The following EPAS1 variants were observed in gnomAD, a reference collection of about 807,000 sequenced individuals.
EPAS1 encodes endothelial PAS domain protein 1.
In EPAS1, 23 loss-of-function variants were observed where a neutral mutation model predicts 87.9. The observed-to-expected ratio is 0.26, with a 90% CI of 0.19 to 0.37. The LOEUF (loss-of-function observed/expected upper bound fraction) is 0.37. EPAS1 is among the 10% of genes least tolerant of loss of function. EPAS1 has a pLI of 1.00. For synonymous variants in EPAS1, 508 were observed against 444.3 expected (o/e 1.14, Z -1.80); for missense variants, 1,138 against 1,120.7 (o/e 1.02, Z -0.22).
intron 1 of EPAS1, among the ~76,000 whole-genome samples, chr2:46,344,296 G>A (rs374487821): frequency 6.6e-6 from 1 of 152,180 alleles, no homozygotes; most frequent in Non-Finnish European, 1.5e-5. Flanking sequence ...TTCGAGGAAG[G>A]GGCCAATGGC....
At chr2:46,316,066 C>G (rs114487250) in intron 1 of EPAS1, among the ~76,000 whole-genome samples, 149 of 152,300 alleles carry the variant, frequency 9.8e-4, no homozygotes, top group Middle Eastern at 3.4e-3. Context: ...ACATACTTTT[C>G]TCTATATCAT....
intron 4 of EPAS1, among the ~76,000 whole-genome samples, chr2:46,359,307 C>G (rs1055918413): frequency 7.1e-6 from 1 of 141,104 alleles, no homozygotes; most frequent in Non-Finnish European, 1.5e-5. Context: ...TGGGGAGAAT[C>G]CAGAGGTTAG....
At chr2:46,382,188 C>G (rs1280475155) in intron 14 of EPAS1, 99 bp downstream of exon 14, 8 of 1,204,768 alleles carry the variant, frequency 6.6e-6, no homozygotes, top group Non-Finnish European at 9.6e-6. Flanking sequence ...CAGGCCGTAC[C>G]TGCCTCTCTG....
At chr2:46,381,891 T>C (rs943270785) in intron 13 of EPAS1, 84 bp from the exon 14 acceptor site, 1 of 1,514,162 alleles carries the variant, frequency 6.6e-7, no homozygotes, top group Non-Finnish European at 9.0e-7. Flanking sequence ...GTGCCAGCCC[T>C]GTTCCAGGCC....
intron 3 of EPAS1, 110 bp from the exon 4 acceptor site, chr2:46,356,614 C>A: frequency 1.1e-6 from 1 of 889,986 alleles, no homozygotes; most frequent in African/African-American, 1.6e-5. Flanking sequence ...ATGAGAAAAC[C>A]CAATTCAGTC....
intron 1 of EPAS1, among the ~76,000 whole-genome samples, chr2:46,309,214 C>T (rs997256360): frequency 1.3e-5 from 2 of 152,200 alleles, no homozygotes; most frequent in African/African-American, 2.4e-5. Flanking sequence ...ATCCACCATG[C>T]GTAGAGCAGG....
rs1277888540 is a variant in EPAS1, at chr2:46,360,679, C to G, written c.496C>G (p.Arg166Gly). Residue 166 changes from arginine to glycine, a missense_variant, in exon 5 of 16, where the codon CGG (arginine) becomes GGG (glycine). Physicochemically the swap from Arg to Gly is moderately radical, Grantham distance 125. This residue lies in a region of EPAS1 where 351 missense variants were observed against 417.1 expected (regional missense o/e 0.84). Transcript: ENST00000263734. This position sits in a 1 kb window ranked among gnomAD's most constrained non-coding sequence, Gnocchi z 4.5. Reference sequence around the variant, plus strand: ...AAAAAGCAAAGACATGTCCACAGAGCGGGACTTCTTCATGAGGATGAAGTG... The same window carrying G: ...AAAAAGCAAAGACATGTCCACAGAGGGGGACTTCTTCATGAGGATGAAGTG... Reference protein sequence around the residue: ...GKKSKDMSTERDFFMRMKCTV... With the variant: ...GKKSKDMSTEGDFFMRMKCTV... 6.2e-7 allele frequency: 1 copy of G among 1,613,986 alleles called. No individual in the cohort carries two copies. Among genetic ancestry groups the G allele is most frequent in the Non-Finnish European group, 8.5e-7 (1 of 1,180,022 alleles).
chr2:46,320,194 G>C (rs1298576192), intron 1 of EPAS1, among the ~76,000 whole-genome samples: 2 of 152,190 alleles, frequency 1.3e-5, no homozygotes, highest in Non-Finnish European at 2.9e-5. Context: ...AAGTTAAAGA[G>C]AGAAACTAAT....
At chr2:46,383,370 A>C (rs1354610017) in intron 15 of EPAS1, among the ~76,000 whole-genome samples, 1 of 152,230 alleles carries the variant, frequency 6.6e-6, no homozygotes, top group African/African-American at 2.4e-5. Flanking sequence ...GGCCACCTTC[A>C]TCTTGACAGT....
intron 1 of EPAS1, among the ~76,000 whole-genome samples, chr2:46,307,947 T>C (rs1222118321): frequency 6.6e-6 from 1 of 152,172 alleles, no homozygotes; most frequent in African/African-American, 2.4e-5. Context: ...AGGGCCTCAG[T>C]AAAGACATGG....
intron 1 of EPAS1, among the ~76,000 whole-genome samples, chr2:46,328,098 G>A (rs1479060312): frequency 1.3e-5 from 2 of 152,156 alleles, no homozygotes; most frequent in Non-Finnish European, 2.9e-5. Flanking sequence ...TATGCAGATC[G>A]GGCTGTTAGT....
intron 9 of EPAS1, among the ~76,000 whole-genome samples, chr2:46,377,368 G>A (rs1684776807): frequency 6.6e-6 from 1 of 152,196 alleles, no homozygotes; most frequent in Non-Finnish European, 1.5e-5. Context: ...TCCCCAGTTC[G>A]CAACCCGCTG....
At position 46,360,814 on chromosome 2, in the gene EPAS1, G is replaced by A. The variant is rs1684369917; in HGVS notation, c.573+58G>A. ...AGGTGTAGGGTAACGGCGGTGCAGG[G>A]GATGCCTAAGGCCCTACCCCCACCC... On this transcript the variant is annotated intron_variant, in intron 5 of 15. Transcript: ENST00000263734. This position sits in a 1 kb window ranked among gnomAD's most constrained non-coding sequence, Gnocchi z 4.5. 1 of 1,611,938 alleles carries A rather than the reference G, an allele frequency of 6.2e-7. No homozygotes were observed. Among genetic ancestry groups the A allele is most frequent in the Admixed American group, 1.7e-5 (1 of 59,998 alleles).
Position 46,384,511 on chromosome 2 carries a change from A to G in EPAS1, c.2464A>G (p.Met822Val), listed in dbSNP as rs772701268. The change falls in exon 16 of 16, where the codon ATG (methionine) becomes GTG (valine). Residue 822 changes from methionine to valine, a missense_variant and splice_region_variant. By Grantham distance (21) the Met-to-Val change is conservative (BLOSUM62 1). Transcript: ENST00000263734. ...SLSSAHKVSG[M>V]ASRLLGPSFE... ...TATGGTACCAACCCTTCTTTCAGGC[A>G]TGGCAAGCCGGCTGCTCGGGCCCTC... The G allele has an allele frequency of 9.9e-6, 16 of 1,614,088 alleles. No homozygotes were observed. The highest frequency in any genetic ancestry group is 1.6e-4 in the Middle Eastern group (1 of 6,084).
chr2:46,302,128 G>C (rs902194881), intron 1 of EPAS1, among the ~76,000 whole-genome samples: 8 of 146,668 alleles, frequency 5.5e-5, no homozygotes, highest in East Asian at 2.1e-4. Context: ...CTGTGTGTGT[G>C]TGTGTGTGTG....
At chr2:46,310,465 A>G (rs7579899) in intron 1 of EPAS1, among the ~76,000 whole-genome samples, 78,287 of 152,084 alleles carry the variant, frequency 0.51, 21,338 homozygotes, top group Middle Eastern at 0.64. Flanking sequence ...ACCCTGTACA[A>G]AGCACTGCGA....
intron 3 of EPAS1, 90 bp from the exon 4 acceptor site, chr2:46,356,634 C>T: frequency 2.0e-6 from 2 of 1,024,472 alleles, no homozygotes; most frequent in Middle Eastern, 4.0e-4. Context: ...CTCCTCCCTG[C>T]CTCCAAATCT....
intron 1 of EPAS1, among the ~76,000 whole-genome samples, chr2:46,312,163 G>C (rs1372888904): frequency 3.3e-5 from 5 of 152,112 alleles, no homozygotes; most frequent in Admixed American, 2.6e-4. Flanking sequence ...ATGACCACAG[G>C]GTTCTGTGTT....
chr2:46,337,576 A>G (rs778913423), intron 1 of EPAS1, among the ~76,000 whole-genome samples: 2 of 152,020 alleles, frequency 1.3e-5, no homozygotes, highest in Admixed American at 6.5e-5. Context: ...TTCTTTGTCA[A>G]TTTTCTTAGC....
Sources: gnomAD v4.1 joint callset for allele counts (sites outside exome capture counted in the v4.1 genomes callset) on GRCh38, gnomAD v4.1.1 for gene constraint, gnomAD v4.1.1 regional missense constraint, Gnocchi (gnomAD v3.1) non-coding constraint, MANE v1.5 for transcripts, NCBI Gene and HGNC (gene_info 2026-07-23, HGNC 2026-07-21) for gene names.